The following TOGARAM1 variants were observed in gnomAD, a reference collection of about 807,000 sequenced individuals.
The protein encoded by TOGARAM1 is TOG array regulator of axonemal microtubules 1.
In TOGARAM1, 100 loss-of-function variants were observed where a neutral mutation model predicts 166.6. The observed-to-expected ratio is 0.60, with a 90% CI of 0.51 to 0.71. The LOEUF (loss-of-function observed/expected upper bound fraction) is 0.71, where lower values mean the gene tolerates loss of function less well. TOGARAM1 is among the 30% of genes least tolerant of loss of function. The pLI is 0.00. For synonymous variants in TOGARAM1, 758 were observed against 763.8 expected, an observed-to-expected ratio of 0.99 and a Z score of 0.13; for missense variants, 2,029 against 2,102.7, an observed-to-expected ratio of 0.96 and a Z score of 0.69.
At chr14:45,067,004 G>T (rs1883169029) in intron 17 of TOGARAM1, among the ~76,000 whole-genome samples, 1 of 152,002 alleles carries the variant, frequency 6.6e-6, no homozygotes, top group Non-Finnish European at 1.5e-5. Flanking sequence ...AAATCTTAGT[G>T]TTTTATATAC....
At chr14:45,045,265 TGAG>T (rs954255840) in intron 13 of TOGARAM1, among the ~76,000 whole-genome samples, 1 of 151,696 alleles carries the variant, frequency 6.6e-6, no homozygotes, top group Non-Finnish European at 1.5e-5. Context: ...ACCCATCACT[TGAG>T]TAGTGAACAT....
chr14:45,056,898 C>T (rs1882665157), intron 16 of TOGARAM1, among the ~76,000 whole-genome samples: 1 of 152,128 alleles, frequency 6.6e-6, no homozygotes, highest in African/African-American at 2.4e-5. Flanking sequence ...GATTCCCCCT[C>T]TGCAATTTTT....
chr14:45,057,974 T>C (rs1882720535), intron 16 of TOGARAM1, among the ~76,000 whole-genome samples: 1 of 152,222 alleles, frequency 6.6e-6, no homozygotes, highest in African/African-American at 2.4e-5. Flanking sequence ...TAAAGTTCAA[T>C]TTAAGTTCAG....
rs748433637 is a variant in TOGARAM1 at position 45,052,513 on chromosome 14, C to A, written c.4391C>A (p.Ser1464Tyr). Residue 1464 changes from serine (S) to tyrosine (Y), a missense_variant, in exon 15 of 20, where the codon TCT (serine) becomes TAT (tyrosine). By Grantham distance (144) the Ser-to-Tyr change is moderately radical (BLOSUM62 -2). Transcript: ENST00000361462. ...AAAATGCTTGAAAAGTATGTCCCAT[C>A]TAAAGATTTGCCATATATTAAGGAC... ...FEKMLEKYVP[S>Y]KDLPYIKDSV... 6.2e-7 allele frequency: 1 copy of A among 1,612,462 alleles called. No individual in the cohort carries two copies. The highest frequency in any genetic ancestry group is 8.5e-7 in the Non-Finnish European group (1 of 1,179,194).
At position 45,012,177 on chromosome 14, in the gene TOGARAM1, C is replaced by T. The variant is rs1879846595; in HGVS notation, c.3238+102C>T. On this transcript the variant is annotated intron_variant, in intron 7 of 19. Coordinates refer to ENST00000361462, the MANE Select transcript of TOGARAM1 (RefSeq NM_001308120.2). ...TTCAGATTTCATGTTGTTGTGCATACTGGTTAAGACTAATCATTTTTTTAC... is the reference window on the plus strand; with the variant it reads ...TTCAGATTTCATGTTGTTGTGCATATTGGTTAAGACTAATCATTTTTTTAC... The T allele has an allele frequency of 6.0e-6, 4 of 662,730 alleles. No homozygotes were observed. The East Asian group carries it at 8.8e-5, about 15-fold the overall frequency. The allele number at this position is 662,730 out of a possible 1,614,324, so 41.1% of individuals were successfully genotyped here.
intron 11 of TOGARAM1, among the ~76,000 whole-genome samples, chr14:45,033,252 CAAA>C (rs1434217190): frequency 2.8e-5 from 3 of 105,544 alleles, no homozygotes; most frequent in African/African-American, 3.2e-5. Flanking sequence ...AACTCTGTCT[CAAA>C]AAAAAAAAAA....
chr14:45,064,699 T>C (rs1234989383), intron 16 of TOGARAM1, among the ~76,000 whole-genome samples: 2 of 152,122 alleles, frequency 1.3e-5, no homozygotes, highest in Non-Finnish European at 1.5e-5. Flanking sequence ...CAGGTTGGAG[T>C]CTTGTCTTAT....
intron 1 of TOGARAM1, among the ~76,000 whole-genome samples, chr14:44,992,727 C>T (rs189951916): frequency 2.7e-5 from 4 of 149,666 alleles, no homozygotes; most frequent in African/African-American, 9.8e-5. Flanking sequence ...ACGCCATTCT[C>T]CTGTCTCAGC....
In TOGARAM1 at chr14:44,964,099, G is replaced by C; in HGVS notation, c.1678G>C (p.Asp560His). Residue 560 changes from aspartate (D) to histidine (H), a missense_variant, in exon 1 of 20, where the codon GAT becomes CAT. Asp to His is a moderately conservative substitution (Grantham distance 81). Around this residue, in one of 2 missense-constraint regions of TOGARAM1, gnomAD observed 1,453 missense variants for 1,432.2 expected, o/e 1.01. Coordinates refer to ENST00000361462, the MANE Select transcript of TOGARAM1 (RefSeq NM_001308120.2). ...AGCTGTGGATACAGTTGAACTGCAA[G>C]ATAATGGAGATGGAGTGATGAATGC... ...FKAVDTVELQ[D>H]NGDGVMNAVQ... 6.2e-7 allele frequency: 1 copy of C among 1,614,236 alleles called. No individual in the cohort carries two copies. The highest frequency in any genetic ancestry group is 8.5e-7 in the Non-Finnish European group (1 of 1,180,046).
intron 18 of TOGARAM1, among the ~76,000 whole-genome samples, chr14:45,071,416 G>A (rs1314748075): frequency 6.6e-6 from 1 of 151,670 alleles, no homozygotes; most frequent in Non-Finnish European, 1.5e-5. Context: ...TTTAGAGACA[G>A]AGTGTCACTC....
At chr14:44,993,292 C>T (rs1163146932) in intron 1 of TOGARAM1, among the ~76,000 whole-genome samples, 1 of 109,430 alleles carries the variant, frequency 9.1e-6, no homozygotes, top group Non-Finnish European at 1.7e-5. Flanking sequence ...GTCTCAAAAA[C>T]AAAAACAAAA....
intron 1 of TOGARAM1, among the ~76,000 whole-genome samples, chr14:44,973,744 TC>T (rs1886031477): frequency 6.6e-6 from 1 of 151,662 alleles, no homozygotes; most frequent in Admixed American, 6.6e-5. Context: ...TCTTTATTTT[TC>T]TTCACTTGTG....
chr14:44,983,994 C>T (rs1489802320), intron 1 of TOGARAM1, among the ~76,000 whole-genome samples: 1 of 151,956 alleles, frequency 6.6e-6, no homozygotes, highest in Non-Finnish European at 1.5e-5. Flanking sequence ...GTTTTAGTCA[C>T]CTTGCATGAA....
In TOGARAM1 at chr14:44,963,284, G is replaced by A; in HGVS notation, c.863G>A (p.Gly288Asp). Residue 288 changes from glycine to aspartate, a missense_variant, in exon 1 of 20, where the codon GGC becomes GAC. Gly to Asp is a moderately conservative substitution (Grantham distance 94). Coordinates refer to ENST00000361462, the MANE Select transcript of TOGARAM1 (RefSeq NM_001308120.2). Reference protein sequence around the residue: ...SALQQIGERLGQDRFQSYISR... With the variant: ...SALQQIGERLDQDRFQSYISR... ...CTTCAACAAATTGGGGAGCGACTTG[G>A]CCAAGACAGGTTTCAATCTTACATT... 1.2e-6 allele frequency: 2 copies of A among 1,614,172 alleles called. No homozygotes were observed. The highest frequency in any genetic ancestry group is 1.7e-6 in the Non-Finnish European group (2 of 1,180,020).
intron 1 of TOGARAM1, 81 bp from the exon 2 acceptor site, chr14:44,995,665 A>T (rs1887377256): frequency 1.0e-6 from 1 of 973,038 alleles, no homozygotes; most frequent in African/African-American, 1.6e-5. Flanking sequence ...GAATTTCATA[A>T]TTGGATCTAA....
At chr14:44,973,523 A>C (rs1439411879) in intron 1 of TOGARAM1, among the ~76,000 whole-genome samples, 1 of 150,194 alleles carries the variant, frequency 6.7e-6, no homozygotes, top group African/African-American at 2.5e-5. Flanking sequence ...GATCTGTTAA[A>C]AATATGAAAA....
rs1289392206 is a variant in TOGARAM1 at position 45,008,981 on chromosome 14, T to C, written c.2973T>C (p.Thr991=). Residue 991 remains threonine (T), a synonymous_variant, in exon 6 of 20, where the codon ACT becomes ACC. Coordinates refer to ENST00000361462, the MANE Select transcript of TOGARAM1 (RefSeq NM_001308120.2). The part of the protein sequence containing the change: ...AKKRAKLSGS[T]SDLESPDSAM... ...AAAGAGCAAAACTGAGTGGCAGTAC[T>C]TCAGATCTTGAAAGCCCTGATTCTG... The C allele has an allele frequency of 6.8e-6, 11 of 1,614,026 alleles. No homozygotes were observed. The Admixed American group carries it at 1.8e-4, about 27-fold the overall frequency.
At chr14:44,999,546 T>A in intron 3 of TOGARAM1, 49 bp downstream of exon 3, 1 of 1,483,592 alleles carries the variant, frequency 6.7e-7, no homozygotes, top group Non-Finnish European at 9.1e-7. Context: ...AAATATTATG[T>A]GGGGATTCCA....
chr14:45,065,410 G>GA (rs1171431440), intron 16 of TOGARAM1, among the ~76,000 whole-genome samples: 1 of 151,962 alleles, frequency 6.6e-6, no homozygotes, highest in Non-Finnish European at 1.5e-5. Flanking sequence ...AAAAACAAAA[G>GA]AAAAAACATT....
Sources: gnomAD v4.1 joint callset for allele counts (sites outside exome capture counted in the v4.1 genomes callset) on GRCh38, gnomAD v4.1.1 for gene constraint, gnomAD v4.1.1 regional missense constraint, MANE v1.5 for transcripts, NCBI Gene and HGNC (gene_info 2026-07-23, HGNC 2026-07-21) for gene names.